MYH13: variants seen among roughly 807,000 people sequenced by gnomAD.
MYH13 encodes myosin-13.
A neutral mutation model predicts 232.1 loss-of-function variants in MYH13; 177 were observed. The observed-to-expected ratio is 0.76, with a 90% CI of 0.67 to 0.86. The LOEUF (loss-of-function observed/expected upper bound fraction) is 0.86. MYH13 is among the 40% of genes least tolerant of loss of function. MYH13 has a pLI of 0.00. For missense variants in MYH13, 2,246 were observed against 2,405.9 expected (o/e 0.93, Z 1.39); for synonymous variants, 884 against 923.5 (o/e 0.96, Z 0.78).
At chr17:10,368,391 G>A (rs2071853546) in intron 2 of MYH13, among the ~76,000 whole-genome samples, 1 of 152,198 alleles carries the variant, frequency 6.6e-6, no homozygotes, top group African/African-American at 2.4e-5. Flanking sequence ...TTGTCTGCTA[G>A]TTGGTCTTTT....
chr17:10,355,828 C>CTTTTT (rs61338527), intron 8 of MYH13, among the ~76,000 whole-genome samples: 12 of 66,812 alleles, frequency 1.8e-4, no homozygotes, highest in Non-Finnish European at 2.4e-4. Flanking sequence ...TTCTGTCTGA[C>CTTTTT]TTTTTTTTTT....
chr17:10,344,143 G>A, intron 15 of MYH13, 34 bp from the exon 16 acceptor site: 1 of 1,601,812 alleles, frequency 6.2e-7, no homozygotes, highest in African/African-American at 1.3e-5. Context: ...ACATATAATA[G>A]TGCATACCCA....
chr17:10,308,154 G>A (rs890367713), intron 35 of MYH13, among the ~76,000 whole-genome samples: 3 of 151,830 alleles, frequency 2.0e-5, no homozygotes, highest in African/African-American at 4.8e-5. Flanking sequence ...GTGAAACCCC[G>A]TCTCTACAAA....
intron 35 of MYH13, among the ~76,000 whole-genome samples, chr17:10,308,642 A>G (rs1044728351): frequency 6.6e-6 from 1 of 152,054 alleles, no homozygotes; most frequent in South Asian, 2.1e-4. Context: ...CCATGTATTT[A>G]CTTGTTTTTT....
At chr17:10,368,101 T>C (rs1293084013) in intron 2 of MYH13, among the ~76,000 whole-genome samples, 1 of 152,236 alleles carries the variant, frequency 6.6e-6, no homozygotes, top group African/African-American at 2.4e-5. Context: ...CTGAATTATA[T>C]AGTACTTCCA....
chr17:10,347,884 A>AT (rs1361273457), intron 12 of MYH13, among the ~76,000 whole-genome samples: 8 of 150,822 alleles, frequency 5.3e-5, no homozygotes, highest in South Asian at 2.1e-4. Context: ...GGCCCGGCTA[A>AT]TTTTTTTTTA....
chr17:10,311,925 TTCTCTCGCC>T lies in MYH13; in HGVS notation c.4508_4516del (p.Arg1503_Glu1505del). The T allele has an allele frequency of 1.2e-6, 2 of 1,613,972 alleles. No homozygotes were observed. The highest frequency in any genetic ancestry group is 1.7e-6 in the Non-Finnish European group (2 of 1,179,888). On this transcript the variant is annotated inframe_deletion, in exon 32 of 41. Coordinates refer to ENST00000252172, the MANE Select transcript of MYH13 (RefSeq NM_003802.3). ...AGACAGCTCACCTTGCAGATTTTTG[TTCTCTCGCC>T]TCAGTGTCTCTAACTGGTCCACCAC... is the stretch of plus-strand genomic sequence containing the variant.
At position 10,338,710 on chromosome 17, in the gene MYH13, G is replaced by GTTTT. The variant is rs918855170; in HGVS notation, c.2056+1436_2056+1439dup. ...CCTTGTTTTTTTTTTTTTTTTGTTT[G>GTTTT]TTTTTTTTGAGACGGAGTTTCGCTC... is the stretch of plus-strand genomic sequence containing the variant. On this transcript the variant is annotated intron_variant, in intron 18 of 40. Transcript: ENST00000252172. Among the ~76,000 whole-genome samples the GTTTT allele has an allele frequency of 5.5e-5, 6 of 109,548 alleles. No individual in the cohort carries two copies. The South Asian group carries it at 1.2e-3, about 22-fold the overall frequency. The allele number at this position is 109,548 out of a possible 152,430, so 71.9% of individuals were successfully genotyped here.
chr17:10,345,085 C>T, intron 15 of MYH13, 117 bp downstream of exon 15: 1 of 1,522,498 alleles, frequency 6.6e-7, no homozygotes, highest in Non-Finnish European at 9.0e-7. Flanking sequence ...AGTTATCTAT[C>T]TGAAGGCTTG....
chr17:10,344,194 C>T (rs2071642338), intron 15 of MYH13, 85 bp from the exon 16 acceptor site: 1 of 1,528,068 alleles, frequency 6.5e-7, no homozygotes, highest in Admixed American at 2.0e-5. Flanking sequence ...TTCTTTGGTG[C>T]TTTCACTCTG....
At chr17:10,372,188 T>C (rs1165533880) in intron 1 of MYH13, among the ~76,000 whole-genome samples, 1 of 152,208 alleles carries the variant, frequency 6.6e-6, no homozygotes, top group Non-Finnish European at 1.5e-5. Flanking sequence ...ACATACTATA[T>C]TCTGAATCCT....
At chr17:10,323,202 C>T (rs1205660122) in intron 23 of MYH13, among the ~76,000 whole-genome samples, 1 of 152,104 alleles carries the variant, frequency 6.6e-6, no homozygotes, top group Non-Finnish European at 1.5e-5. Context: ...ATTGCTGGGT[C>T]GTAGGGTATC....
chr17:10,357,397 T>C (rs9895386), intron 8 of MYH13, among the ~76,000 whole-genome samples: 3,685 of 152,330 alleles, frequency 0.024, 126 homozygotes, highest in East Asian at 0.11. Context: ...TATGGCTTAA[T>C]GGACGTTAAC....
chr17:10,327,967 T>C lies in MYH13; in HGVS notation c.2590A>G (p.Lys864Glu), dbSNP rs1374446622. ...GCCTCAGATCGGGCCAGTTCTTCCT[T>C]GGTCCTCTCAAAGTCTTCCTTCATG... The part of the protein sequence containing the change: ...ATMKEDFERT[K>E]EELARSEARR... The change falls in exon 22 of 41, where the codon AAG becomes GAG. Residue 864 changes from lysine to glutamate, a missense_variant. Lys to Glu is a moderately conservative substitution (Grantham distance 56). Transcript: ENST00000252172. The C allele has an allele frequency of 1.9e-6, 3 of 1,614,016 alleles. No homozygotes were observed. Among genetic ancestry groups the C allele is most frequent in the African/African-American group, 1.3e-5 (1 of 74,928 alleles).
intron 40 of MYH13, 120 bp from the exon 41 acceptor site, chr17:10,301,085 G>A (rs1405863780): frequency 1.8e-5 from 17 of 921,316 alleles, no homozygotes; most frequent in East Asian, 2.5e-5. Context: ...AAGGAATGGC[G>A]TTGTTTCCCT....
chr17:10,318,742 C>T (rs1007187907), intron 27 of MYH13, 48 bp downstream of exon 27: 3 of 1,605,558 alleles, frequency 1.9e-6, no homozygotes, highest in Admixed American at 1.7e-5. Flanking sequence ...GGGCAGGTGG[C>T]CGTCGGCTGC....
intron 27 of MYH13, among the ~76,000 whole-genome samples, chr17:10,318,198 C>T (rs1220825134): frequency 2.6e-5 from 4 of 152,126 alleles, no homozygotes; most frequent in South Asian, 2.1e-4. Context: ...GCTGAGATGG[C>T]GCCACTGCAA....
At position 10,354,743 on chromosome 17, in the gene MYH13, G is replaced by T; in HGVS notation, c.942C>A (p.Phe314Leu). 1 of 1,613,942 alleles carries T rather than the reference G, an allele frequency of 6.2e-7. No individual in the cohort carries two copies. The highest frequency in any genetic ancestry group is 1.3e-5 in the African/African-American group (1 of 75,020). Residue 314 changes from phenylalanine (F) to leucine (L), a missense_variant, in exon 11 of 41, where the codon TTC becomes TTA. Physicochemically the swap from Phe to Leu is conservative, Grantham distance 22. Coordinates refer to ENST00000252172, the MANE Select transcript of MYH13 (RefSeq NM_003802.3). ...LISTNPFDFP[F>L]VSQGEVTVAS... ...CTACCGTGACCTCTCCTTGGCTCAC[G>T]AAGGGGAAGTCGAAGGGGTTGGTGG...
Position 10,363,338 on chromosome 17 carries a change from AG to A in MYH13, c.205-836del, listed in dbSNP as rs1192651623. 2.1e-5 allele frequency among the ~76,000 whole-genome samples: 3 copies of A among 144,614 alleles called. No homozygotes were observed. In the Admixed American group the frequency reaches 2.1e-4, roughly 10 times the overall value. 94.9% of individuals were successfully genotyped at this position (144,614 alleles called of 152,430 possible). A position where few individuals can be genotyped will look rare whatever the true frequency, so the allele number is the denominator to read the frequency against. ...CTCAAAAAAAAAAAAAAAAAAAAATAGGGCAAGAAAAGAAAAAGAGCTTGTA... is the reference window on the plus strand; with the variant it reads ...CTCAAAAAAAAAAAAAAAAAAAAATAGGCAAGAAAAGAAAAAGAGCTTGTA... On this transcript the variant is annotated intron_variant, in intron 3 of 40. Coordinates refer to ENST00000252172, the MANE Select transcript of MYH13 (RefSeq NM_003802.3).
Sources: gnomAD v4.1 joint callset for allele counts (sites outside exome capture counted in the v4.1 genomes callset) on GRCh38, gnomAD v4.1.1 for gene constraint, MANE v1.5 for transcripts, NCBI Gene and HGNC (gene_info 2026-07-23, HGNC 2026-07-21) for gene names.